OXR1: variants seen among roughly 807,000 people sequenced by gnomAD.
OXR1 encodes the protein oxidation resistance 1, also known as oxidation resistance protein 1.
In OXR1, 41 loss-of-function variants were observed where a neutral mutation model predicts 104.6. That is an observed-to-expected ratio of 0.39 (90% CI 0.31 to 0.51). The LOEUF is 0.51. Ranked by LOEUF, OXR1 falls within the 20% of genes least tolerant of loss-of-function variation. The probability of loss-of-function intolerance (pLI) is 0.77; values close to 1 mark genes in which losing one functional copy is unlikely to be tolerated. For synonymous variants in OXR1, 348 were observed against 348.4 expected (o/e 1.00, Z 0.01); for missense variants, 955 against 1,031.9 (o/e 0.93, Z 1.02).
rs932525639 is a variant in OXR1, at chr8:106,528,747, C to A, written c.220+9608C>A. ...AAAAAACTAATCTTGCTAGAGGTGGCACATTCTGCAGTGTGAAACTAGGTC... is the reference window on the plus strand; with the variant it reads ...AAAAAACTAATCTTGCTAGAGGTGGAACATTCTGCAGTGTGAAACTAGGTC... On this transcript the variant is annotated intron_variant, in intron 3 of 16. Coordinates refer to ENST00000517566, the MANE Select transcript of OXR1 (RefSeq NM_001198533.2). Among the ~76,000 whole-genome samples the A allele has an allele frequency of 2.6e-5, 4 of 152,178 alleles. No individual in the cohort carries two copies. The East Asian group carries it at 7.7e-4, about 29-fold the overall frequency.
chr8:106,530,536 G>A (rs1453749234), intron 3 of OXR1, among the ~76,000 whole-genome samples: 1 of 152,168 alleles, frequency 6.6e-6, no homozygotes, highest in Non-Finnish European at 1.5e-5. Context: ...AGTTATGACT[G>A]AAAGAATATT....
At chr8:106,742,583 C>A (rs1835013254) in intron 15 of OXR1, 2 of 270,546 alleles carry the variant, frequency 7.4e-6, no homozygotes, top group African/African-American at 2.3e-5. Context: ...TAGCATGGTA[C>A]TGGTATAAGA....
intron 1 of OXR1, among the ~76,000 whole-genome samples, chr8:106,356,739 TA>T (rs11291511): frequency 0.63 from 94,728 of 151,272 alleles, 30,830 homozygotes; most frequent in African/African-American, 0.82. Context: ...AAAATAATAA[TA>T]AAAAAAAAGG....
intron 6 of OXR1, among the ~76,000 whole-genome samples, chr8:106,684,803 A>G (rs1215217075): frequency 6.6e-6 from 1 of 152,208 alleles, no homozygotes; most frequent in Non-Finnish European, 1.5e-5. Context: ...CCAAGAATTG[A>G]CATAGTAGAT....
At chr8:106,684,868 A>G (rs1828538932) in intron 6 of OXR1, among the ~76,000 whole-genome samples, 1 of 152,228 alleles carries the variant, frequency 6.6e-6, no homozygotes, top group Non-Finnish European at 1.5e-5. Context: ...CATTTTACAA[A>G]TGAACTTCAG....
At position 106,740,462 on chromosome 8, in the gene OXR1, A is replaced by C; in HGVS notation, c.2283A>C (p.Pro761=). Residue 761 remains proline, a synonymous_variant, in exon 14 of 17, where the codon CCA becomes CCC. Transcript: ENST00000517566. ...LYRTMTGLDT[P]VLMVIKDSDG... is the part of the protein sequence containing the mutation. ...GAACAATGACAGGTTTAGACACCCC[A>C]GTGCTGATGGTGATTAAAGACAGTG... 1 of 1,613,042 alleles carries C rather than the reference A, an allele frequency of 6.2e-7. No homozygotes were observed.
chr8:106,315,799 T>A (rs1336896134), intron 1 of OXR1, among the ~76,000 whole-genome samples: 1 of 152,174 alleles, frequency 6.6e-6, no homozygotes, highest in Admixed American at 6.6e-5. Flanking sequence ...GAGAAGATCA[T>A]CTCTACTTAC....
rs73309281 is a variant in OXR1, at chr8:106,473,653, G to A, written c.24-45290G>A. 5.0e-3 allele frequency among the ~76,000 whole-genome samples: 765 copies of A among 151,884 alleles called. 5 individuals carry two copies. The highest frequency in any genetic ancestry group is 0.018 in the African/African-American group (730 of 41,504). On this transcript the variant is annotated intron_variant, in intron 2 of 16. Transcript: ENST00000517566. ...AAATCTATAGGATGAAAAAACCCACGTTACTGAAGTAGTAGTTAACCGTGA... is the reference window on the plus strand; with the variant it reads ...AAATCTATAGGATGAAAAAACCCACATTACTGAAGTAGTAGTTAACCGTGA...
At chr8:106,514,140 A>G (rs1201034019) in intron 2 of OXR1, among the ~76,000 whole-genome samples, 2 of 152,036 alleles carry the variant, frequency 1.3e-5, no homozygotes, top group South Asian at 2.1e-4. Flanking sequence ...GCCTATTAAG[A>G]GCTTATTTTT....
intron 2 of OXR1, among the ~76,000 whole-genome samples, chr8:106,464,503 C>G (rs528063597): frequency 2.0e-5 from 3 of 152,092 alleles, no homozygotes; most frequent in African/African-American, 7.2e-5. Context: ...CTATTCATTT[C>G]CTGACTTCTA....
intron 6 of OXR1, among the ~76,000 whole-genome samples, chr8:106,686,287 T>A (rs1563705459): frequency 3.5e-5 from 5 of 144,742 alleles, no homozygotes; most frequent in African/African-American, 5.1e-5. Context: ...GGAAAATAAT[T>A]AAAAAAAAAA....
intron 10 of OXR1, 109 bp downstream of exon 10, chr8:106,710,899 A>G: frequency 1.4e-6 from 1 of 708,770 alleles, no homozygotes; most frequent in Non-Finnish European, 2.1e-6. Flanking sequence ...GTTTATGATT[A>G]AAAGCAGACA....
chr8:106,601,309 G>A (rs921269687), intron 3 of OXR1, among the ~76,000 whole-genome samples: 4 of 146,910 alleles, frequency 2.7e-5, no homozygotes, highest in Admixed American at 6.9e-5. Flanking sequence ...TATCTGTTCC[G>A]GCTGCTAAAA....
chr8:106,379,287 A>T (rs1212212345), intron 2 of OXR1, among the ~76,000 whole-genome samples: 2 of 152,144 alleles, frequency 1.3e-5, no homozygotes, highest in East Asian at 3.9e-4. Context: ...GTCTAGATTT[A>T]TGGTGTGAGT....
chr8:106,369,547 T>C (rs1379914379), intron 2 of OXR1, among the ~76,000 whole-genome samples: 1 of 152,234 alleles, frequency 6.6e-6, no homozygotes, highest in Non-Finnish European at 1.5e-5. Context: ...CATTTAAGTC[T>C]TTAATCCATC....
intron 3 of OXR1, among the ~76,000 whole-genome samples, chr8:106,535,332 C>T (rs904248071): frequency 6.6e-6 from 1 of 152,110 alleles, no homozygotes; most frequent in Admixed American, 6.5e-5. Context: ...ACTGCAAAAC[C>T]GCTGAAATTA....
At chr8:106,618,971 A>G (rs1364395542) in intron 3 of OXR1, among the ~76,000 whole-genome samples, 3 of 152,110 alleles carry the variant, frequency 2.0e-5, no homozygotes, top group Non-Finnish European at 4.4e-5. Flanking sequence ...TGGAAGGAAT[A>G]AAGATATAAA....
intron 1 of OXR1, among the ~76,000 whole-genome samples, chr8:106,348,773 A>C (rs1274581443): frequency 2.0e-5 from 3 of 152,168 alleles, no homozygotes; most frequent in Non-Finnish European, 4.4e-5. Flanking sequence ...TTCCAAGTGA[A>C]GAGCACTGTG....
chr8:106,283,141 G>A (rs1423990990), intron 1 of OXR1, among the ~76,000 whole-genome samples: 5 of 152,232 alleles, frequency 3.3e-5, no homozygotes, highest in African/African-American at 1.2e-4. Flanking sequence ...AATTCCATAG[G>A]AAACACTGGT....
Sources: allele counts gnomAD v4.1 joint callset (sites outside exome capture counted in the v4.1 genomes callset), GRCh38; gene constraint gnomAD v4.1.1; transcripts MANE v1.5; gene names NCBI Gene and HGNC (gene_info 2026-07-23, HGNC 2026-07-21).